The following IL1RAPL2 variants were observed in gnomAD, a reference collection of about 807,000 sequenced individuals.
The protein encoded by IL1RAPL2 is interleukin 1 receptor accessory protein like 2, also known as X-linked interleukin-1 receptor accessory protein-like 2.
IL1RAPL2 carries 3 observed loss-of-function variants against 44.1 expected under a neutral mutation model. The ratio of observed to expected loss-of-function variants is 0.07; its 90% CI spans 0.03 to 0.18. The LOEUF (loss-of-function observed/expected upper bound fraction) is 0.18, where lower values mean the gene tolerates loss of function less well. Among genes scored for constraint, IL1RAPL2 ranks in the 10% least tolerant of loss-of-function variants. The pLI, the probability that IL1RAPL2 is intolerant of heterozygous loss-of-function variation, is 1.00. For synonymous variants in IL1RAPL2, 181 were observed against 178.8 expected (o/e 1.01, Z -0.10); for missense variants, 391 against 496.4 (o/e 0.79, Z 2.02).
chrX:105,333,286 T>C (rs1005455537), intron 5 of IL1RAPL2, among the ~76,000 whole-genome samples: 3 of 111,508 alleles, frequency 2.7e-5, no homozygotes, highest in African/African-American at 9.8e-5. Context: ...TTTCAATAAA[T>C]GGTGCTGGGA....
intron 2 of IL1RAPL2, among the ~76,000 whole-genome samples, chrX:104,743,630 G>A (rs1424929135): frequency 2.7e-5 from 3 of 111,200 alleles, no homozygotes; most frequent in African/African-American, 9.8e-5. Context: ...TAGCCTCTGA[G>A]CTTTTCTTTA....
At chrX:105,321,898 G>A (rs1385556702) in intron 5 of IL1RAPL2, among the ~76,000 whole-genome samples, 2 of 112,921 alleles carry the variant, frequency 1.8e-5, no homozygotes. Context: ...TCTCTGACTG[G>A]TAATAACAAT....
intron 2 of IL1RAPL2, among the ~76,000 whole-genome samples, chrX:104,819,238 C>T (rs975875183): frequency 8.0e-5 from 9 of 112,336 alleles, no homozygotes; most frequent in African/African-American, 2.9e-4. Context: ...TACTACAACA[C>T]AGCAGATAGT....
intron 5 of IL1RAPL2, among the ~76,000 whole-genome samples, chrX:105,350,256 A>C (rs1460867789): frequency 1.8e-5 from 2 of 111,696 alleles, no homozygotes; most frequent in Non-Finnish European, 3.8e-5. Flanking sequence ...GAATCATAGA[A>C]ATGCTAGAAT....
chrX:105,051,493 C>T lies in IL1RAPL2; in HGVS notation c.83-143982C>T, dbSNP rs773289283. ...CTGGTCAGCCAGCTGCAGCTGCATCCGAGAGGGCAGATCCCCCCAAGAGCA... is the reference window on the plus strand; with the variant it reads ...CTGGTCAGCCAGCTGCAGCTGCATCTGAGAGGGCAGATCCCCCCAAGAGCA... On this transcript the variant is annotated intron_variant, in intron 2 of 10. Coordinates refer to ENST00000372582, the MANE Select transcript of IL1RAPL2 (RefSeq NM_017416.2). Among the ~76,000 whole-genome samples, 7 of 112,786 alleles carry T rather than the reference C, an allele frequency of 6.2e-5. No homozygotes were observed. The South Asian group carries it at 2.6e-3, about 41-fold the overall frequency.
chrX:105,607,924 T>G lies in IL1RAPL2; in HGVS notation c.773-109443T>G, dbSNP rs2037307719. Among the ~76,000 whole-genome samples the G allele has an allele frequency of 2.7e-5, 3 of 110,744 alleles. No individual in the cohort carries two copies. In the Admixed American group the frequency reaches 2.9e-4, roughly 11 times the overall value. ...AAGGCTTTTGAGTAGGGGAATAATA[T>G]AATCAGCTGTCTTTGGCAGAAGTGT... is the stretch of plus-strand genomic sequence containing the variant. On this transcript the variant is annotated intron_variant, in intron 6 of 10. Coordinates refer to ENST00000372582, the MANE Select transcript of IL1RAPL2 (RefSeq NM_017416.2).
intron 6 of IL1RAPL2, among the ~76,000 whole-genome samples, chrX:105,620,438 C>A (rs1205169524): frequency 9.0e-6 from 1 of 110,534 alleles, no homozygotes; most frequent in Non-Finnish European, 1.9e-5. Flanking sequence ...TAATGGATCA[C>A]CTAGTAGGTC....
chrX:104,677,669 G>A (rs1005504781), intron 2 of IL1RAPL2, among the ~76,000 whole-genome samples: 18 of 112,539 alleles, frequency 1.6e-4, no homozygotes, highest in African/African-American at 4.8e-4. Context: ...ATCAAGCCTA[G>A]GCAATGGCGG....
chrX:104,634,172 C>T (rs1196435891), intron 1 of IL1RAPL2, among the ~76,000 whole-genome samples: 5 of 111,373 alleles, frequency 4.5e-5, no homozygotes, highest in African/African-American at 9.8e-5. Flanking sequence ...GTTTCTTAAT[C>T]CTGAGTTCTA....
intron 6 of IL1RAPL2, among the ~76,000 whole-genome samples, chrX:105,607,773 G>A (rs1326795859): frequency 9.1e-6 from 1 of 109,702 alleles, no homozygotes; most frequent in East Asian, 2.8e-4. Context: ...CTAGAGGACA[G>A]TTCTTATAGT....
intron 4 of IL1RAPL2, among the ~76,000 whole-genome samples, chrX:105,255,335 C>T (rs2034305418): frequency 9.0e-6 from 1 of 111,638 alleles, no homozygotes; most frequent in Admixed American, 9.5e-5. Flanking sequence ...CAATTTGGCT[C>T]TCAGTTTGCC....
At chrX:105,496,285 A>C (rs1357626950) in intron 6 of IL1RAPL2, among the ~76,000 whole-genome samples, 1 of 112,525 alleles carries the variant, frequency 8.9e-6, no homozygotes, top group Non-Finnish European at 1.9e-5. Flanking sequence ...CACCTTGGGC[A>C]CATGTTCTCA....
chrX:105,582,027 A>G (rs1184896534), intron 6 of IL1RAPL2, among the ~76,000 whole-genome samples: 2 of 111,070 alleles, frequency 1.8e-5, no homozygotes, highest in African/African-American at 6.5e-5. Context: ...CTATTTCTGT[A>G]TATGTCAAGG....
chrX:105,606,307 C>G (rs994700680), intron 6 of IL1RAPL2, among the ~76,000 whole-genome samples: 1 of 111,599 alleles, frequency 9.0e-6, no homozygotes, highest in African/African-American at 3.3e-5. Context: ...AAAAAGCGCT[C>G]AACATCACTG....
rs2030958759 is a variant in IL1RAPL2, at chrX:105,007,205, G to T, written c.83-188270G>T. On this transcript the variant is annotated intron_variant, in intron 2 of 10. Transcript: ENST00000372582. The stretch of plus-strand genomic sequence containing the variant: ...GGGAGAACTATGACTAATGAGAGGT[G>T]CTCAGTTATTTATTGAACAAACAGT... Among the ~76,000 whole-genome samples the T allele has an allele frequency of 2.7e-5, 3 of 111,357 alleles. No individual in the cohort carries two copies. The South Asian group carries it at 1.1e-3, about 41-fold the overall frequency.
At chrX:105,204,616 C>G (rs937677279) in intron 3 of IL1RAPL2, among the ~76,000 whole-genome samples, 2 of 112,292 alleles carry the variant, frequency 1.8e-5, no homozygotes, top group Admixed American at 1.9e-4. Flanking sequence ...AGTTACTGAA[C>G]TAGCTAGGAC....
intron 2 of IL1RAPL2, among the ~76,000 whole-genome samples, chrX:105,049,682 G>T (rs16984615): frequency 0.067 from 7,438 of 111,319 alleles, 620 homozygotes; most frequent in African/African-American, 0.23. Flanking sequence ...TGATTAAACT[G>T]AACTGCCACT....
intron 2 of IL1RAPL2, among the ~76,000 whole-genome samples, chrX:104,975,893 G>A (rs950092329): frequency 9.0e-6 from 1 of 110,973 alleles, no homozygotes; most frequent in African/African-American, 3.3e-5. Flanking sequence ...AGAATTGGGG[G>A]ACCGAGGAGA....
chrX:105,721,309 G>A (rs1479736124), intron 7 of IL1RAPL2, among the ~76,000 whole-genome samples: 2 of 110,080 alleles, frequency 1.8e-5, no homozygotes, highest in Non-Finnish European at 3.8e-5. Context: ...CCAGCTACTC[G>A]GGAGGCTAAG....
Sources: allele counts gnomAD v4.1 joint callset (sites outside exome capture counted in the v4.1 genomes callset), GRCh38; gene constraint gnomAD v4.1.1; transcripts MANE v1.5; gene names NCBI Gene and HGNC (gene_info 2026-07-23, HGNC 2026-07-21).